The following PRR5L variants were observed in gnomAD, a reference collection of about 807,000 sequenced individuals.
PRR5L encodes the protein proline-rich protein 5-like.
In PRR5L, 21 loss-of-function variants were observed where a neutral mutation model predicts 36.4. The observed-to-expected ratio is 0.58, with a 90% CI of 0.41 to 0.83. The LOEUF is 0.83. Ranked by LOEUF, PRR5L falls within the 40% of genes least tolerant of loss-of-function variation. PRR5L has a pLI of 0.00. For synonymous variants in PRR5L, 188 were observed against 197.0 expected, an observed-to-expected ratio of 0.95 and a Z score of 0.38; for missense variants, 381 against 473.3, an observed-to-expected ratio of 0.80 and a Z score of 1.81.
chr11:36,352,382 C>G (rs1015943663), intron 1 of PRR5L, among the ~76,000 whole-genome samples: 1 of 152,112 alleles, frequency 6.6e-6, no homozygotes. Context: ...TTTTCTCCCA[C>G]TCTGTGGGTT....
chr11:36,310,002 T>TCATGCTCACTAC (rs1447979251), intron 1 of PRR5L, among the ~76,000 whole-genome samples: 1 of 39,446 alleles, frequency 2.5e-5, no homozygotes, highest in African/African-American at 6.7e-5. Context: ...ACCACCACCA[T>TCATGCTCACTAC]CACTATTAGA....
At chr11:36,435,665 G>A (rs1269108357) in intron 5 of PRR5L, among the ~76,000 whole-genome samples, 2 of 152,176 alleles carry the variant, frequency 1.3e-5, no homozygotes, top group Admixed American at 6.5e-5. Context: ...GACCCAGGAG[G>A]AGGAGGCAGA....
chr11:36,451,300 G>C lies in PRR5L; in HGVS notation c.677G>C (p.Gly226Ala), dbSNP rs780028411. The C allele has an allele frequency of 1.2e-6, 2 of 1,614,208 alleles. No individual in the cohort carries two copies. Among genetic ancestry groups the C allele is most frequent in the Non-Finnish European group, 1.7e-6 (2 of 1,180,042 alleles). ...QVVSPFLGIS[G>A]DRSFSGPTYT... ...GTTTCTCCTTTCCTCGGCATCAGCG[G>C]GGACCGTAGCTTCTCAGGCCCCACG... Residue 226 changes from glycine (G) to alanine (A), a missense_variant, in exon 8 of 9, where the codon GGG (glycine) becomes GCG (alanine). Coordinates refer to ENST00000530639, the MANE Select transcript of PRR5L (RefSeq NM_001160167.2).
Position 36,401,214 on chromosome 11 carries a change from G to C in PRR5L, c.93G>C (p.Val31=), listed in dbSNP as rs752347347. 2.5e-6 allele frequency: 4 copies of C among 1,613,838 alleles called. No homozygotes were observed. In the Admixed American group the frequency reaches 5.0e-5, roughly 20 times the overall value. The change falls in exon 2 of 9, where the codon GTG becomes GTC. Residue 31 remains valine (V), a synonymous_variant. Transcript: ENST00000530639. ...GACCGCGCTTCATGAGCTCCCCCGT[G>C]CTCAGCGACCTTCCCCGATTCCAAG... The part of the protein sequence containing the change: ...RPRPRFMSSP[V]LSDLPRFQAA...
intron 1 of PRR5L, among the ~76,000 whole-genome samples, chr11:36,346,408 C>T (rs147484507): frequency 0.051 from 7,758 of 152,064 alleles, 231 homozygotes; most frequent in African/African-American, 0.086. Context: ...ATGGTGAAAC[C>T]CCGGCTCAAC....
rs945013928 is a variant in PRR5L, at chr11:36,464,655, A to G, written c.*1919A>G. 1.3e-5 allele frequency: 2 copies of G among 152,240 alleles called. No individual in the cohort carries two copies. Among genetic ancestry groups the G allele is most frequent in the African/African-American group, 2.4e-5 (1 of 41,468 alleles). 9.4% of individuals were successfully genotyped at this position (152,240 alleles called of 1,614,324 possible). A position where few individuals can be genotyped will look rare whatever the true frequency, so the allele number is the denominator to read the frequency against. ...TGATAGCTTCTGTCCTTATTAGTAC[A>G]CTTAACATTTGAGACTAGTATTTAT... On this transcript the variant is annotated 3_prime_UTR_variant, in exon 9 of 9. Coordinates refer to ENST00000530639, the MANE Select transcript of PRR5L (RefSeq NM_001160167.2).
At chr11:36,332,944 T>C (rs748577649) in intron 1 of PRR5L, among the ~76,000 whole-genome samples, 27 of 152,186 alleles carry the variant, frequency 1.8e-4, no homozygotes, top group Non-Finnish European at 3.5e-4. Context: ...TGTTCCTTTA[T>C]AGCAATGTAA....
At chr11:36,432,609 C>T (rs1858523853) in intron 5 of PRR5L, among the ~76,000 whole-genome samples, 1 of 152,146 alleles carries the variant, frequency 6.6e-6, no homozygotes, top group South Asian at 2.1e-4. Flanking sequence ...TTCTCCAAGT[C>T]TCAGCTTTTA....
intron 1 of PRR5L, among the ~76,000 whole-genome samples, chr11:36,370,584 T>C (rs1857187409): frequency 6.6e-6 from 1 of 152,062 alleles, no homozygotes; most frequent in African/African-American, 2.4e-5. Context: ...CTGAAATCCT[T>C]GAAAGTTATC....
At position 36,389,594 on chromosome 11, in the gene PRR5L, C is replaced by A. The variant is rs76583517; in HGVS notation, c.-125-11403C>A. 1.8e-3 allele frequency among the ~76,000 whole-genome samples: 265 copies of A among 150,068 alleles called. 4 individuals are homozygous for A. The East Asian group carries it at 0.041, about 23-fold the overall frequency. On this transcript the variant is annotated intron_variant, in intron 1 of 8. Coordinates refer to ENST00000530639, the MANE Select transcript of PRR5L (RefSeq NM_001160167.2). The stretch of plus-strand genomic sequence containing the variant: ...TCAGATTTCAGTACCATGGTGTTTA[C>A]CCATGGTGAAGCCCCATGTATTTTT...
At chr11:36,444,003 G>C (rs989008922) in intron 6 of PRR5L, among the ~76,000 whole-genome samples, 5 of 152,128 alleles carry the variant, frequency 3.3e-5, no homozygotes, top group Non-Finnish European at 7.3e-5. Flanking sequence ...ACTTTTTAAA[G>C]GCATATTTGG....
intron 1 of PRR5L, among the ~76,000 whole-genome samples, chr11:36,317,124 T>C (rs958385269): frequency 6.6e-6 from 1 of 152,174 alleles, no homozygotes; most frequent in Non-Finnish European, 1.5e-5. Context: ...GGTTGATGAA[T>C]GAAATAAGGC....
chr11:36,378,739 T>C (rs919440378), intron 1 of PRR5L, among the ~76,000 whole-genome samples: 2 of 152,238 alleles, frequency 1.3e-5, no homozygotes, highest in Non-Finnish European at 2.9e-5. Context: ...CTTGAGGTCT[T>C]AATGATGTCT....
intron 1 of PRR5L, among the ~76,000 whole-genome samples, chr11:36,303,412 G>A (rs11033542): frequency 0.31 from 46,591 of 151,998 alleles, 8,076 homozygotes; most frequent in Non-Finnish European, 0.39. Flanking sequence ...TAAAAAAATC[G>A]AGAAGACATT....
intron 1 of PRR5L, among the ~76,000 whole-genome samples, chr11:36,370,944 A>T (rs946303063): frequency 6.6e-6 from 1 of 152,082 alleles, no homozygotes; most frequent in Middle Eastern, 3.2e-3. Context: ...ATTATCCAAG[A>T]AAAATTCAAG....
At chr11:36,400,877 T>C in intron 1 of PRR5L, 120 bp from the exon 2 acceptor site, 1 of 684,532 alleles carries the variant, frequency 1.5e-6, no homozygotes, top group South Asian at 3.1e-5. Flanking sequence ...AGGGAATAGA[T>C]GCTATTGCTG....
Position 36,355,722 on chromosome 11 carries a change from T to G in PRR5L, c.-125-45275T>G, listed in dbSNP as rs532472158. Among the ~76,000 whole-genome samples the G allele has an allele frequency of 3.3e-5, 5 of 150,708 alleles. No homozygotes were observed. In the East Asian group the frequency reaches 9.9e-4, roughly 30 times the overall value. On this transcript the variant is annotated intron_variant, in intron 1 of 8. Coordinates refer to ENST00000530639, the MANE Select transcript of PRR5L (RefSeq NM_001160167.2). The stretch of plus-strand genomic sequence containing the variant: ...GTGTCACCATGCCCAGCTATTTTTT[T>G]TAATTTTTTTTTAATTTTTTAGTAG...
chr11:36,413,319 G>A (rs1261758906), intron 3 of PRR5L, among the ~76,000 whole-genome samples: 1 of 152,104 alleles, frequency 6.6e-6, no homozygotes, highest in Non-Finnish European at 1.5e-5. Flanking sequence ...CAGGACTTGT[G>A]GGATTCTCTG....
chr11:36,335,127 C>T (rs1311517786), intron 1 of PRR5L, among the ~76,000 whole-genome samples: 1 of 152,020 alleles, frequency 6.6e-6, no homozygotes, highest in East Asian at 1.9e-4. Context: ...TACTCTGTGG[C>T]CCAGGCTGGA....
Sources: gnomAD v4.1 joint callset for allele counts (sites outside exome capture counted in the v4.1 genomes callset) on GRCh38, gnomAD v4.1.1 for gene constraint, MANE v1.5 for transcripts, NCBI Gene and HGNC (gene_info 2026-07-23, HGNC 2026-07-21) for gene names.